Variants in ZNF727 observed in about 807,000 individuals in gnomAD.
ZNF727 encodes the protein zinc finger protein 727, also known as putative zinc finger protein 727.
A neutral mutation model predicts 11.5 loss-of-function variants in ZNF727; 11 were observed. The ratio of observed to expected loss-of-function variants is 0.95; its 90% CI spans 0.60 to 1.58. The LOEUF is 1.58. Ranked by LOEUF, ZNF727 falls within the 40% of genes most tolerant of loss-of-function variation. The pLI is 0.00. For synonymous variants in ZNF727, 171 were observed against 196.1 expected (o/e 0.87, Z 1.07); for missense variants, 533 against 581.7 (o/e 0.92, Z 0.86).
chr7:64,054,546 A>C (rs1251678788), intron 1 of ZNF727, among the ~76,000 whole-genome samples: 1 of 152,214 alleles, frequency 6.6e-6, no homozygotes, highest in South Asian at 2.1e-4. Flanking sequence ...AAATAAGGTC[A>C]CAGGGAATAA....
chr7:64,073,990 C>T (rs1379784331), intron 3 of ZNF727, among the ~76,000 whole-genome samples: 1 of 152,104 alleles, frequency 6.6e-6, no homozygotes, highest in Non-Finnish European at 1.5e-5. Context: ...ACCCACTGTT[C>T]TAGATCTCTC....
rs186962612 is a variant in ZNF727, at chr7:64,080,328, C to T, written c.*1779C>T. On this transcript the variant is annotated 3_prime_UTR_variant, in exon 4 of 4. Coordinates refer to ENST00000456806, the MANE Select transcript of ZNF727 (RefSeq NM_001159522.3). The stretch of plus-strand genomic sequence containing the variant: ...GGTTTATTTACATAATCTGTTATTT[C>T]TTGGAGGTTTTGTTCATTCCTCTTT... Among the ~76,000 whole-genome samples, 1 of 152,086 alleles carries T rather than the reference C, an allele frequency of 6.6e-6. No individual in the cohort carries two copies. The highest frequency in any genetic ancestry group is 2.4e-5 in the African/African-American group (1 of 41,416).
chr7:64,063,056 C>T (rs1177531757), intron 1 of ZNF727, among the ~76,000 whole-genome samples: 5 of 149,482 alleles, frequency 3.3e-5, no homozygotes, highest in Non-Finnish European at 3.0e-5. Flanking sequence ...TTTTTCAAAA[C>T]AGCTGTTTTG....
chr7:64,060,435 TC>T lies in ZNF727; in HGVS notation c.4-8455del, dbSNP rs1309926912. On this transcript the variant is annotated intron_variant, in intron 1 of 3. Transcript: ENST00000456806. ...CCCCAAAATCTGCAGGCAGAATATT[TC>T]TGTGCCTATTTGTGATACACAGTCC... 1.2e-4 allele frequency among the ~76,000 whole-genome samples: 18 copies of T among 152,318 alleles called. No individual in the cohort carries two copies. In the East Asian group the frequency reaches 3.3e-3, roughly 28 times the overall value.
At chr7:64,052,874 T>TG (rs1286876272) in intron 1 of ZNF727, among the ~76,000 whole-genome samples, 1 of 152,218 alleles carries the variant, frequency 6.6e-6, no homozygotes, top group Non-Finnish European at 1.5e-5. Flanking sequence ...ATTTCAAACT[T>TG]GCGTGAGACC....
In ZNF727 at chr7:64,045,640, G is replaced by C. The variant is rs1789489637; in HGVS notation, c.3+16G>C. 2 of 1,559,386 alleles carry C rather than the reference G, an allele frequency of 1.3e-6. No individual in the cohort carries two copies. The highest frequency in any genetic ancestry group is 2.4e-5 in the East Asian group (1 of 41,502). On this transcript the variant is annotated intron_variant, in intron 1 of 3. Transcript: ENST00000456806. ...CTGGGAAATGGTGAGTGCGCGGAGT[G>C]GGTGTCCCGAGAAGGGGGAAGAGGC...
chr7:64,077,616 A>G lies in ZNF727; in HGVS notation c.567A>G (p.Ile189Met), dbSNP rs1785697771. 3 of 1,551,772 alleles carry G rather than the reference A, an allele frequency of 1.9e-6. No homozygotes were observed. The highest frequency in any genetic ancestry group is 2.6e-6 in the Non-Finnish European group (3 of 1,147,048). ...ACTGTAGGTTGTCAGATTTTACCAT[A>G]CAGAAGAGAATTCATACTGCAGATA... Reference protein sequence around the residue: ...GKDCRLSDFTIQKRIHTADRS... With the variant: ...GKDCRLSDFTMQKRIHTADRS... The change falls in exon 4 of 4, where the codon ATA becomes ATG. Residue 189 changes from isoleucine to methionine, a missense_variant. Ile to Met is a conservative substitution (Grantham distance 10, BLOSUM62 1). Around this residue, in one of 3 missense-constraint regions of ZNF727, gnomAD observed 463 missense variants for 494.5 expected, o/e 0.94. Coordinates refer to ENST00000456806, the MANE Select transcript of ZNF727 (RefSeq NM_001159522.3).
At chr7:64,052,378 CTTT>C (rs56215284) in intron 1 of ZNF727, among the ~76,000 whole-genome samples, 74,910 of 130,296 alleles carry the variant, frequency 0.57, 20,377 homozygotes, top group Non-Finnish European at 0.61. Flanking sequence ...ATTTCTCTCT[CTTT>C]TTTTTTTTTT....
In ZNF727 at chr7:64,077,937, C is replaced by G. The variant is rs1490941975; in HGVS notation, c.888C>G (p.Cys296Trp). ...CKECHKAFRCCSDLTKHKRIH... is the reference protein window; with the variant it reads ...CKECHKAFRCWSDLTKHKRIH... Reference sequence around the variant, plus strand: ...AATGTCACAAAGCCTTTAGGTGTTGCTCAGACCTTACTAAACATAAGAGAA... The same window carrying G: ...AATGTCACAAAGCCTTTAGGTGTTGGTCAGACCTTACTAAACATAAGAGAA... The change falls in exon 4 of 4, where the codon TGC becomes TGG. Residue 296 changes from cysteine to tryptophan, a missense_variant. Coordinates refer to ENST00000456806, the MANE Select transcript of ZNF727 (RefSeq NM_001159522.3). The G allele has an allele frequency of 6.3e-7, 1 of 1,586,414 alleles. No individual in the cohort carries two copies. Among genetic ancestry groups the G allele is most frequent in the Non-Finnish European group, 8.6e-7 (1 of 1,165,682 alleles).
rs1406618067 is a variant in ZNF727 at position 64,046,409 on chromosome 7, T to TG, written c.3+787dup. ...CCTATTTAAATGTAATACCCCATGT[T>TG]GGAGGTGGGGCCTGGTGGAAAGTGT... On this transcript the variant is annotated intron_variant, in intron 1 of 3. Transcript: ENST00000456806. 2.0e-5 allele frequency among the ~76,000 whole-genome samples: 3 copies of TG among 152,196 alleles called. No homozygotes were observed. The East Asian group carries it at 5.8e-4, about 29-fold the overall frequency.
chr7:64,083,551 C>T lies in ZNF727; in HGVS notation c.*5002C>T, dbSNP rs1362702162. ...GCCAGAGTATCTGAGGCTCTTGAAT[C>T]TCTGCACAGGCCTCAGTGGCTGCTC... On this transcript the variant is annotated 3_prime_UTR_variant, in exon 4 of 4. Coordinates refer to ENST00000456806, the MANE Select transcript of ZNF727 (RefSeq NM_001159522.3). 6.6e-6 allele frequency among the ~76,000 whole-genome samples: 1 copy of T among 152,236 alleles called. No homozygotes were observed. The highest frequency in any genetic ancestry group is 6.5e-5 in the Admixed American group (1 of 15,286).
chr7:64,064,038 T>C (rs1264812172), intron 1 of ZNF727, among the ~76,000 whole-genome samples: 1 of 152,178 alleles, frequency 6.6e-6, no homozygotes, highest in East Asian at 1.9e-4. Flanking sequence ...GGTTCTTCTC[T>C]GGCTCAGGGT....
At chr7:64,058,344 T>C (rs1789717880) in intron 1 of ZNF727, among the ~76,000 whole-genome samples, 1 of 152,192 alleles carries the variant, frequency 6.6e-6, no homozygotes, top group Non-Finnish European at 1.5e-5. Flanking sequence ...CAGTATGTGA[T>C]TCTGCCCACC....
At chr7:64,072,240 A>C (rs1312218565) in intron 3 of ZNF727, among the ~76,000 whole-genome samples, 1 of 152,030 alleles carries the variant, frequency 6.6e-6, no homozygotes, top group African/African-American at 2.4e-5. Context: ...TTGGGTATGC[A>C]GTGGAGAGGG....
chr7:64,062,805 T>G (rs1285116975), intron 1 of ZNF727, among the ~76,000 whole-genome samples: 2 of 150,070 alleles, frequency 1.3e-5, no homozygotes, highest in East Asian at 3.9e-4. Context: ...GAGGCTATTT[T>G]TTTTTTGTCT....
At chr7:64,059,354 T>G (rs1789736295) in intron 1 of ZNF727, among the ~76,000 whole-genome samples, 1 of 152,244 alleles carries the variant, frequency 6.6e-6, no homozygotes, top group African/African-American at 2.4e-5. Flanking sequence ...CTGATTAATT[T>G]TTTTGTAAAT....
intron 3 of ZNF727, among the ~76,000 whole-genome samples, chr7:64,076,743 T>C (rs762311935): frequency 6.6e-6 from 1 of 152,244 alleles, no homozygotes; most frequent in African/African-American, 2.4e-5. Flanking sequence ...ATTTCTTTAC[T>C]TCTTTGATCT....
Position 64,045,657 on chromosome 7 carries a change from G to A in ZNF727, c.3+33G>A, listed in dbSNP as rs372155747. On this transcript the variant is annotated intron_variant, in intron 1 of 3. Transcript: ENST00000456806. ...CGCGGAGTGGGTGTCCCGAGAAGGGGGAAGAGGCTGTTTGAATCCGGTCGG... is the reference window on the plus strand; with the variant it reads ...CGCGGAGTGGGTGTCCCGAGAAGGGAGAAGAGGCTGTTTGAATCCGGTCGG... 17 of 1,557,550 alleles carry A rather than the reference G, an allele frequency of 1.1e-5. No individual in the cohort carries two copies. In the African/African-American group the frequency reaches 1.5e-4, roughly 14 times the overall value.
intron 3 of ZNF727, among the ~76,000 whole-genome samples, chr7:64,070,380 A>G (rs1789941519): frequency 6.6e-6 from 1 of 152,068 alleles, no homozygotes; most frequent in Admixed American, 6.6e-5. Flanking sequence ...ATTTTAAATG[A>G]CATCATTTTG....
Sources: allele counts gnomAD v4.1 joint callset (sites outside exome capture counted in the v4.1 genomes callset), GRCh38; gene constraint gnomAD v4.1.1; regional missense constraint gnomAD v4.1.1; transcripts MANE v1.5; gene names NCBI Gene and HGNC (gene_info 2026-07-23, HGNC 2026-07-21).